The following APBB2 variants were observed in gnomAD, a reference collection of about 807,000 sequenced individuals.
The protein encoded by APBB2 is Fe65-like 1.
In APBB2, 38 loss-of-function variants were observed where a neutral mutation model predicts 82.5. That is an observed-to-expected ratio of 0.46 (90% CI 0.36 to 0.60). APBB2 has a LOEUF of 0.60. Ranked by LOEUF, APBB2 falls within the 20% of genes least tolerant of loss-of-function variation. The pLI is 0.00. For synonymous variants in APBB2, 341 were observed against 368.2 expected (o/e 0.93, Z 0.85); for missense variants, 772 against 972.3 (o/e 0.79, Z 2.74).
At chr4:41,205,237 T>C (rs772943014) in intron 1 of APBB2, among the ~76,000 whole-genome samples, 18 of 152,164 alleles carry the variant, frequency 1.2e-4, no homozygotes, top group East Asian at 1.9e-4. Flanking sequence ...TTGGAAGTAG[T>C]AGGCACCCAA....
intron 12 of APBB2, among the ~76,000 whole-genome samples, chr4:40,861,632 T>A (rs1224635434): frequency 6.6e-6 from 1 of 152,216 alleles, no homozygotes; most frequent in Non-Finnish European, 1.5e-5. Context: ...GGCATGGGGC[T>A]TGTACAGAAA....
In APBB2 at chr4:41,184,698, T is replaced by G. The variant is rs144586638; in HGVS notation, c.-417+29707A>C. ...ATAAAGAAAGAACTTGCTGAGCAAA[T>G]GCAGGTAAACAGCGTCCATGACTCA... is the stretch of plus-strand genomic sequence containing the variant. On this transcript the variant is annotated intron_variant, in intron 1 of 17. Transcript: ENST00000508593. Among the ~76,000 whole-genome samples, 392 of 152,308 alleles carry G rather than the reference T, an allele frequency of 2.6e-3. 1 individual carries two copies. Among genetic ancestry groups the G allele is most frequent in the Non-Finnish European group, 3.8e-3 (256 of 68,008 alleles).
Position 40,813,114 on chromosome 4 carries a change from T to G in APBB2, c.*2978A>C, listed in dbSNP as rs1483377549. The G allele has an allele frequency of 2.0e-5, 3 of 152,230 alleles. No individual in the cohort carries two copies. The highest frequency in any genetic ancestry group is 4.4e-5 in the Non-Finnish European group (3 of 68,052). The allele number at this position is 152,230 out of a possible 1,614,324, so 9.4% of individuals were successfully genotyped here. ...TGCTTTTAAAAAATAAAAGGAACTT[T>G]AAGCATTTTGCCTTTTCTTCTACAT... On this transcript the variant is annotated 3_prime_UTR_variant, in exon 18 of 18. Coordinates refer to ENST00000508593, the MANE Select transcript of APBB2 (RefSeq NM_004307.2).
intron 6 of APBB2, among the ~76,000 whole-genome samples, chr4:41,001,522 A>T (rs1579142128): frequency 1.3e-5 from 2 of 152,354 alleles, no homozygotes; most frequent in East Asian, 3.9e-4. Flanking sequence ...TAATTATACT[A>T]AGGATGAATT....
chr4:40,986,212 A>G (rs1197726362), intron 6 of APBB2, among the ~76,000 whole-genome samples: 1 of 152,218 alleles, frequency 6.6e-6, no homozygotes, highest in Non-Finnish European at 1.5e-5. Flanking sequence ...AAAAAATTCC[A>G]AAACAATCCA....
At chr4:40,882,787 C>T (rs1769025356) in intron 12 of APBB2, among the ~76,000 whole-genome samples, 1 of 152,106 alleles carries the variant, frequency 6.6e-6, no homozygotes, top group Non-Finnish European at 1.5e-5. Context: ...AAGCAACAGG[C>T]CGTGGGGGTG....
chr4:41,201,450 T>C (rs1320153267), intron 1 of APBB2, among the ~76,000 whole-genome samples: 1 of 152,156 alleles, frequency 6.6e-6, no homozygotes, highest in African/African-American at 2.4e-5. Context: ...TGAAACAAAA[T>C]ATGAAAAGTG....
At chr4:40,884,074 T>C (rs1353415545) in intron 12 of APBB2, among the ~76,000 whole-genome samples, 1 of 152,216 alleles carries the variant, frequency 6.6e-6, no homozygotes, top group Non-Finnish European at 1.5e-5. Context: ...AGGACGTATC[T>C]GACCCAGCCT....
intron 6 of APBB2, among the ~76,000 whole-genome samples, chr4:40,995,346 C>T (rs1203405317): frequency 6.6e-6 from 1 of 151,876 alleles, no homozygotes; most frequent in Non-Finnish European, 1.5e-5. Context: ...TAGTATTTCT[C>T]GAGAAGTTGA....
chr4:40,994,069 C>A (rs186871666), intron 6 of APBB2, among the ~76,000 whole-genome samples: 3 of 151,816 alleles, frequency 2.0e-5, no homozygotes, highest in Admixed American at 2.0e-4. Context: ...GCAGGCAGAT[C>A]ACAAGGTCAG....
chr4:40,939,385 T>C (rs984698151), intron 7 of APBB2, among the ~76,000 whole-genome samples: 3 of 152,082 alleles, frequency 2.0e-5, no homozygotes, highest in African/African-American at 7.2e-5. Context: ...TGCCCGAGGG[T>C]GCCCTGCAAA....
intron 5 of APBB2, among the ~76,000 whole-genome samples, chr4:41,028,000 A>T (rs1302955341): frequency 1.3e-5 from 2 of 152,206 alleles, no homozygotes; most frequent in African/African-American, 4.8e-5. Context: ...GACAAGAGCT[A>T]ATATTACTGC....
At chr4:41,099,582 C>G (rs1277316056) in intron 3 of APBB2, among the ~76,000 whole-genome samples, 1 of 152,082 alleles carries the variant, frequency 6.6e-6, no homozygotes, top group South Asian at 2.1e-4. Context: ...CAAAATAAAA[C>G]CCAATTTAAT....
intron 12 of APBB2, among the ~76,000 whole-genome samples, chr4:40,854,070 T>C (rs1161276234): frequency 1.3e-5 from 2 of 152,184 alleles, no homozygotes; most frequent in Non-Finnish European, 2.9e-5. Flanking sequence ...ATATTAACCA[T>C]TAGACTATAA....
intron 10 of APBB2, among the ~76,000 whole-genome samples, chr4:40,918,660 GCTTT>G (rs1380647927): frequency 4.6e-5 from 7 of 152,212 alleles, no homozygotes; most frequent in East Asian, 1.9e-4. Context: ...AATGGGGGCA[GCTTT>G]CTTTCTTTTT....
intron 12 of APBB2, among the ~76,000 whole-genome samples, chr4:40,874,808 G>C (rs1394195456): frequency 2.0e-5 from 3 of 152,168 alleles, no homozygotes; most frequent in Non-Finnish European, 4.4e-5. Flanking sequence ...TGTGAGTGTG[G>C]AATCTCTTTT....
rs190983575 is a variant in APBB2, at chr4:40,924,084, G to A, written c.1254+10372C>T. 4.8e-4 allele frequency among the ~76,000 whole-genome samples: 73 copies of A among 152,330 alleles called. No homozygotes were observed. The East Asian group carries it at 7.9e-3, about 17-fold the overall frequency. On this transcript the variant is annotated intron_variant, in intron 10 of 17. Coordinates refer to ENST00000508593, the MANE Select transcript of APBB2 (RefSeq NM_004307.2). ...CTGGCTTCGGGTCCTGCTCTGCCACGACCAGCTGTGCAAGCTTGGGCAGGT... is the reference window on the plus strand; with the variant it reads ...CTGGCTTCGGGTCCTGCTCTGCCACAACCAGCTGTGCAAGCTTGGGCAGGT...
chr4:40,948,331 C>A (rs1257058522), intron 6 of APBB2, among the ~76,000 whole-genome samples: 1 of 152,174 alleles, frequency 6.6e-6, no homozygotes, highest in Non-Finnish European at 1.5e-5. Context: ...TGCCTGTAAT[C>A]CCAGCACTCT....
chr4:40,847,938 C>T (rs370367117), intron 12 of APBB2, among the ~76,000 whole-genome samples: 1 of 151,912 alleles, frequency 6.6e-6, no homozygotes, highest in Non-Finnish European at 1.5e-5. Flanking sequence ...TCCCAAGTAG[C>T]GGGGGCTATA....
Sources: gnomAD v4.1 joint callset for allele counts (sites outside exome capture counted in the v4.1 genomes callset) on GRCh38, gnomAD v4.1.1 for gene constraint, MANE v1.5 for transcripts, NCBI Gene and HGNC (gene_info 2026-07-23, HGNC 2026-07-21) for gene names.